Variants in BICRAL observed in about 807,000 individuals in gnomAD.
BICRAL encodes the protein BICRA like chromatin remodeling complex associated protein, also known as BRD4-interacting chromatin-remodeling complex-associated protein-like.
Under a neutral mutation model 91.8 loss-of-function variants are expected in BICRAL, and 8 were observed. The ratio of observed to expected loss-of-function variants is 0.09; its 90% confidence interval spans 0.05 to 0.16. The LOEUF (loss-of-function observed/expected upper bound fraction) is 0.16, where lower values mean the gene tolerates loss of function less well. Among genes scored for constraint, BICRAL ranks in the 10% least tolerant of loss-of-function variants. BICRAL has a pLI of 1.00. For missense variants in BICRAL, 1,038 were observed against 1,310.9 expected (o/e 0.79, Z 3.21); for synonymous variants, 445 against 491.1 (o/e 0.91, Z 1.24).
chr6:42,817,880 C>T (rs1764040369), intron 2 of BICRAL, among the ~76,000 whole-genome samples: 1 of 150,902 alleles, frequency 6.6e-6, no homozygotes, highest in South Asian at 2.1e-4. Flanking sequence ...TGGCACATAC[C>T]TGTAGGCCCA....
intron 2 of BICRAL, among the ~76,000 whole-genome samples, chr6:42,814,422 T>C (rs1763919227): frequency 6.9e-6 from 1 of 144,554 alleles, no homozygotes; most frequent in Non-Finnish European, 1.5e-5. Context: ...TATACATACA[T>C]ATATATACAC....
At chr6:42,757,312 A>G (rs1295632323) in intron 1 of BICRAL, among the ~76,000 whole-genome samples, 3 of 150,038 alleles carry the variant, frequency 2.0e-5, no homozygotes, top group African/African-American at 4.9e-5. Flanking sequence ...AGTGCAATGG[A>G]GCAATCTCAG....
chr6:42,852,008 T>G, intron 6 of BICRAL, 84 bp from the exon 7 acceptor site: 1 of 792,408 alleles, frequency 1.3e-6, no homozygotes, highest in Non-Finnish European at 2.1e-6. Context: ...CAGGGAGGCA[T>G]GAAGAGGCTT....
At chr6:42,787,107 T>C (rs1763123847) in intron 1 of BICRAL, among the ~76,000 whole-genome samples, 2 of 152,176 alleles carry the variant, frequency 1.3e-5, no homozygotes, top group South Asian at 4.1e-4. Flanking sequence ...GGCAATGAGA[T>C]ACAGCAGAGT....
chr6:42,803,163 T>C (rs1162481060), intron 1 of BICRAL, among the ~76,000 whole-genome samples: 1 of 152,220 alleles, frequency 6.6e-6, no homozygotes, highest in African/African-American at 2.4e-5. Flanking sequence ...CTGTGCTAAA[T>C]GTTTGGAGAC....
chr6:42,861,488 A>G (rs1765553991), intron 11 of BICRAL, among the ~76,000 whole-genome samples: 1 of 152,210 alleles, frequency 6.6e-6, no homozygotes, highest in Admixed American at 6.5e-5. Flanking sequence ...ACCTCAGAAA[A>G]TGATAGAAAG....
At chr6:42,771,329 C>A (rs939251657) in intron 1 of BICRAL, among the ~76,000 whole-genome samples, 2 of 152,270 alleles carry the variant, frequency 1.3e-5, no homozygotes, top group African/African-American at 4.8e-5. Flanking sequence ...AACTTGCGGC[C>A]CGGCTTCATT....
chr6:42,773,320 C>T (rs866290730), intron 1 of BICRAL, among the ~76,000 whole-genome samples: 1 of 151,940 alleles, frequency 6.6e-6, no homozygotes, highest in Admixed American at 6.6e-5. Context: ...TCAGGTGATC[C>T]ACCCACCTCA....
intron 1 of BICRAL, among the ~76,000 whole-genome samples, chr6:42,761,382 G>A (rs1329427530): frequency 3.3e-5 from 5 of 152,298 alleles, no homozygotes; most frequent in East Asian, 3.9e-4. Flanking sequence ...TTGGGAGGTG[G>A]AGGTTGCAGT....
In BICRAL at chr6:42,865,071, G is replaced by A. The variant is rs745559776; in HGVS notation, c.2865G>A (p.Leu955=). ...CGGATCATGGTACTGAGAGCAAACT[G>A]TCAAGCATCCTAGCAGATTCGCACT... ...SRSDHGTESK[L]SSILADSHLE... is the part of the protein sequence containing the mutation. Residue 955 remains leucine, a synonymous_variant, in exon 13 of 13, where the codon CTG becomes CTA. Transcript: ENST00000314073. 2.5e-6 allele frequency: 4 copies of A among 1,614,138 alleles called. No individual in the cohort carries two copies. The highest frequency in any genetic ancestry group is 3.4e-6 in the Non-Finnish European group (4 of 1,180,028).
At chr6:42,788,865 A>G (rs1763183329) in intron 1 of BICRAL, among the ~76,000 whole-genome samples, 1 of 152,094 alleles carries the variant, frequency 6.6e-6, no homozygotes, top group Non-Finnish European at 1.5e-5. Flanking sequence ...TTTAAGGTGA[A>G]ACCAGTCAGC....
At chr6:42,813,918 A>C (rs952896522) in intron 2 of BICRAL, among the ~76,000 whole-genome samples, 2 of 152,146 alleles carry the variant, frequency 1.3e-5, no homozygotes, top group Admixed American at 1.3e-4. Flanking sequence ...AAGGAAAATG[A>C]TACCAGATGG....
chr6:42,834,472 A>G (rs763787569), intron 6 of BICRAL, among the ~76,000 whole-genome samples: 1 of 152,182 alleles, frequency 6.6e-6, no homozygotes, highest in Non-Finnish European at 1.5e-5. Context: ...TTACAGAGCT[A>G]TTACTATCAT....
rs1337062001 is a variant in BICRAL at position 42,862,499 on chromosome 6, CTCTT to C, written c.2350-9_2350-6del. On this transcript the variant is annotated splice_region_variant and splice_polypyrimidine_tract_variant and intron_variant, in intron 11 of 12. Transcript: ENST00000314073. ...ATTGTCTATGAAATGACTGGCCTCT[CTCTT>C]TTTCAGCGAATCAATCCCTCTGCTG... 1 of 1,558,240 alleles carries C rather than the reference CTCTT, an allele frequency of 6.4e-7. No homozygotes were observed. Among genetic ancestry groups the C allele is most frequent in the African/African-American group, 1.4e-5 (1 of 73,742 alleles).
chr6:42,829,439 C>A lies in BICRAL; in HGVS notation c.1106C>A (p.Thr369Lys). The change falls in exon 6 of 13, where the codon ACA (threonine) becomes AAA (lysine). Residue 369 changes from threonine (T) to lysine (K), a missense_variant. Thr to Lys is a moderately conservative substitution (Grantham distance 78). Transcript: ENST00000314073. ...GTGAACATTGTAAACCAACAGAACA[C>A]AAGAAAGCCAGTCACCTCACAGGCA... is the stretch of plus-strand genomic sequence containing the variant. ...MSVNIVNQQN[T>K]RKPVTSQAVS... 5 of 1,614,216 alleles carry A rather than the reference C, an allele frequency of 3.1e-6. No homozygotes were observed. Among genetic ancestry groups the A allele is most frequent in the Non-Finnish European group, 4.2e-6 (5 of 1,180,044 alleles).
intron 1 of BICRAL, among the ~76,000 whole-genome samples, chr6:42,809,050 C>CT (rs1033840217): frequency 1.6e-4 from 24 of 151,844 alleles, no homozygotes; most frequent in African/African-American, 5.8e-4. Context: ...AGGCTTATTT[C>CT]TTTTTTTGTT....
intron 6 of BICRAL, 44 bp downstream of exon 6, chr6:42,830,216 GAAA>G (rs1329548298): frequency 1.9e-6 from 3 of 1,576,610 alleles, no homozygotes; most frequent in Non-Finnish European, 2.6e-6. Context: ...TTATAGAATG[GAAA>G]AATGAGATGT....
rs529019394 is a variant in BICRAL at position 42,859,297 on chromosome 6, C to T, written c.2255-965C>T. 7.2e-5 allele frequency among the ~76,000 whole-genome samples: 11 copies of T among 151,848 alleles called. No homozygotes were observed. In the East Asian group the frequency reaches 1.6e-3, roughly 21 times the overall value. Reference sequence around the variant, plus strand: ...GTCCCAGCTACTCGGGAGGCTGAGGCAGGAGACTCACTTGAACCCGGGAGG... The same window carrying T: ...GTCCCAGCTACTCGGGAGGCTGAGGTAGGAGACTCACTTGAACCCGGGAGG... On this transcript the variant is annotated intron_variant, in intron 10 of 12. Transcript: ENST00000314073.
chr6:42,842,876 T>C (rs13219312), intron 6 of BICRAL, among the ~76,000 whole-genome samples: 53,286 of 149,844 alleles, frequency 0.36, 9,742 homozygotes, highest in South Asian at 0.47. Context: ...TTTTTTTAGA[T>C]GGAGTCTTGC....
Sources: allele counts gnomAD v4.1 joint callset (sites outside exome capture counted in the v4.1 genomes callset), GRCh38; gene constraint gnomAD v4.1.1; transcripts MANE v1.5; gene names NCBI Gene and HGNC (gene_info 2026-07-23, HGNC 2026-07-21).